KIT: variants seen among roughly 807,000 people sequenced by gnomAD.
KIT encodes mast/stem cell growth factor receptor Kit.
KIT carries 16 observed loss-of-function variants against 105.7 expected under a neutral mutation model. The ratio of observed to expected loss-of-function variants is 0.15; its 90% CI spans 0.10 to 0.23. KIT has a LOEUF of 0.23. KIT is among the 10% of genes least tolerant of loss of function. The pLI, the probability that KIT is intolerant of heterozygous loss-of-function variation, is 1.00. For missense variants in KIT, 858 were observed against 1,213.8 expected (o/e 0.71, Z 4.36); for synonymous variants, 438 against 441.1 (o/e 0.99, Z 0.09).
intron 2 of KIT, 69 bp from the exon 3 acceptor site, chr4:54,698,215 C>A (rs1198325943): frequency 4.0e-6 from 6 of 1,493,028 alleles, no homozygotes; most frequent in Non-Finnish European, 3.7e-6. Context: ...CATATTAGAT[C>A]TTTTAAAAAG....
At chr4:54,659,041 C>T (rs1174193630) in intron 1 of KIT, among the ~76,000 whole-genome samples, 2 of 152,062 alleles carry the variant, frequency 1.3e-5, no homozygotes, top group Non-Finnish European at 2.9e-5. Context: ...TCTGAAAGCC[C>T]CTAGTTCCCG....
intron 11 of KIT, 129 bp from the exon 12 acceptor site, chr4:54,727,694 A>C (rs1722327248): frequency 7.8e-7 from 1 of 1,280,340 alleles, no homozygotes; most frequent in Non-Finnish European, 1.1e-6. Flanking sequence ...GCCATAGAGA[A>C]CATCGTAGGA....
intron 1 of KIT, among the ~76,000 whole-genome samples, chr4:54,693,357 G>T (rs1259430755): frequency 6.6e-6 from 1 of 152,064 alleles, no homozygotes; most frequent in East Asian, 1.9e-4. Context: ...TCTTCCTGGT[G>T]GTTCTTTTTC....
chr4:54,667,932 C>G (rs1223658238), intron 1 of KIT, among the ~76,000 whole-genome samples: 1 of 152,194 alleles, frequency 6.6e-6, no homozygotes, highest in Non-Finnish European at 1.5e-5. Context: ...TACCGACCTT[C>G]CCCACTCCTA....
chr4:54,738,968 C>CT lies in KIT; in HGVS notation c.*412dup, dbSNP rs1723089415. The CT allele has an allele frequency of 3.9e-6, 2 of 510,478 alleles. No homozygotes were observed. The highest frequency in any genetic ancestry group is 8.1e-5 in the South Asian group (2 of 24,670). 31.6% of individuals were successfully genotyped at this position (510,478 alleles called of 1,614,324 possible). A position where few individuals can be genotyped will look rare whatever the true frequency, so the allele number is the denominator to read the frequency against. On this transcript the variant is annotated 3_prime_UTR_variant, in exon 21 of 21. Transcript: ENST00000288135. ...TAGTATGATGATACAAGATTAGAAG[C>CT]TGAAAACCTAAGTCCTTTATGTGGA...
At chr4:54,735,110 A>C (rs770470955) in intron 17 of KIT, among the ~76,000 whole-genome samples, 1 of 152,166 alleles carries the variant, frequency 6.6e-6, no homozygotes. Context: ...GTTCATGACA[A>C]AGTCACAGGT....
intron 7 of KIT, among the ~76,000 whole-genome samples, chr4:54,721,779 C>T (rs1721894893): frequency 6.6e-6 from 1 of 152,178 alleles, no homozygotes; most frequent in East Asian, 1.9e-4. Context: ...CTTCTCACTG[C>T]ATATATTTTC....
intron 7 of KIT, among the ~76,000 whole-genome samples, chr4:54,710,695 C>G (rs1721098875): frequency 6.6e-6 from 1 of 152,088 alleles, no homozygotes; most frequent in South Asian, 2.1e-4. Flanking sequence ...AGGCATCCCA[C>G]CACACCCAGC....
chr4:54,714,351 A>G (rs1177066989), intron 7 of KIT, among the ~76,000 whole-genome samples: 1 of 140,850 alleles, frequency 7.1e-6, no homozygotes, highest in Admixed American at 7.2e-5. Flanking sequence ...GTTATATTAA[A>G]TGTCACACAA....
At chr4:54,727,798 T>TA (rs780481712) in intron 11 of KIT, 25 bp from the exon 12 acceptor site, 52 of 1,587,656 alleles carry the variant, frequency 3.3e-5, no homozygotes, top group Non-Finnish European at 4.4e-5. Context: ...CATCACCACT[T>TA]ACCTTGTTGT....
In KIT at chr4:54,738,465, C is replaced by T. The variant is rs1060502558; in HGVS notation, c.2839C>T (p.Gln947Ter). The T allele has an allele frequency of 6.2e-7, 1 of 1,614,102 alleles. No homozygotes were observed. The highest frequency in any genetic ancestry group is 1.7e-5 in the Admixed American group (1 of 60,020). ...SNLANCSPNR[Q>*]KPVVDHSVRI... ...CTTAGCAAACTGCAGCCCCAACCGA[C>T]AGAAGCCCGTGGTAGACCATTCTGT... Residue 947 changes from glutamine to a stop codon, truncating the protein, a stop_gained, in exon 21 of 21, where the codon CAG becomes TAG. Transcript: ENST00000288135. LOFTEE classifies it high-confidence loss of function.
intron 7 of KIT, among the ~76,000 whole-genome samples, chr4:54,720,102 C>T (rs1020007010): frequency 2.6e-5 from 4 of 152,042 alleles, no homozygotes; most frequent in African/African-American, 9.7e-5. Flanking sequence ...TTACTCTTGT[C>T]CTGGCTTTGA....
intron 1 of KIT, among the ~76,000 whole-genome samples, chr4:54,668,617 GTC>G (rs1367145343): frequency 1.3e-5 from 2 of 152,210 alleles, no homozygotes; most frequent in African/African-American, 2.4e-5. Flanking sequence ...AAGTTAATGT[GTC>G]TCTTTTTATT....
intron 15 of KIT, 132 bp from the exon 16 acceptor site, chr4:54,731,739 C>T (rs1231555370): frequency 2.8e-5 from 26 of 919,186 alleles, no homozygotes; most frequent in Non-Finnish European, 4.6e-5. Context: ...TCCTGGACAC[C>T]AGGGAAGTGA....
At chr4:54,725,488 G>A (rs1722157889) in intron 8 of KIT, among the ~76,000 whole-genome samples, 1 of 151,866 alleles carries the variant, frequency 6.6e-6, no homozygotes, top group African/African-American at 2.4e-5. Flanking sequence ...TTTATTTTAG[G>A]GATCTACTGT....
intron 5 of KIT, among the ~76,000 whole-genome samples, chr4:54,705,544 C>T (rs965785950): frequency 1.3e-5 from 2 of 152,134 alleles, no homozygotes; most frequent in African/African-American, 4.8e-5. Flanking sequence ...CATCATCTCA[C>T]AAAGTTACCC....
intron 1 of KIT, among the ~76,000 whole-genome samples, chr4:54,694,238 ATCT>A (rs1256357272): frequency 4.6e-5 from 7 of 151,892 alleles, no homozygotes; most frequent in Non-Finnish European, 1.5e-5. Flanking sequence ...TCATGCTGTC[ATCT>A]TCTCCTCCTC....
At position 54,723,548 on chromosome 4, in the gene KIT, G is replaced by T. The variant is rs770102204; in HGVS notation, c.1232-36G>T. The T allele has an allele frequency of 6.5e-6, 9 of 1,384,346 alleles. No individual in the cohort carries two copies. In the East Asian group the frequency reaches 2.1e-4, roughly 32 times the overall value. 85.8% of individuals were successfully genotyped at this position (1,384,346 alleles called of 1,614,324 possible). A position where few individuals can be genotyped will look rare whatever the true frequency, so the allele number is the denominator to read the frequency against. On this transcript the variant is annotated intron_variant, in intron 7 of 20. Transcript: ENST00000288135. The stretch of plus-strand genomic sequence containing the variant: ...AAGTGAATGTTGCTGAGGTTTTCCA[G>T]CACTCTGACATATGGCCATTTCTGT...
At chr4:54,715,140 C>T (rs1383275464) in intron 7 of KIT, among the ~76,000 whole-genome samples, 1 of 152,126 alleles carries the variant, frequency 6.6e-6, no homozygotes, top group Non-Finnish European at 1.5e-5. Flanking sequence ...TCAGCCAAAG[C>T]AATAAATCAC....
Sources: allele counts gnomAD v4.1 joint callset (sites outside exome capture counted in the v4.1 genomes callset), GRCh38; gene constraint gnomAD v4.1.1; transcripts MANE v1.5; gene names NCBI Gene and HGNC (gene_info 2026-07-23, HGNC 2026-07-21).